The following TRIM55 variants were observed in gnomAD, a reference collection of about 807,000 sequenced individuals.
TRIM55 encodes tripartite motif-containing protein 55.
Under a neutral mutation model 60.9 loss-of-function variants are expected in TRIM55, and 50 were observed. That is an observed-to-expected ratio of 0.82 (90% confidence interval 0.65 to 1.04). The LOEUF is 1.04. Among genes scored for constraint, TRIM55 ranks in the 50% least tolerant of loss-of-function variants. TRIM55 has a pLI of 0.00. For missense variants in TRIM55, 681 were observed against 666.9 expected (o/e 1.02, Z -0.23); for synonymous variants, 237 against 238.1 (o/e 1.00, Z 0.04).
At chr8:66,136,982 GGGGTTGCAT>G in intron 3 of TRIM55, 104 bp from the exon 4 acceptor site, 1 of 773,362 alleles carries the variant, frequency 1.3e-6, no homozygotes. Flanking sequence ...TTAGTCCTTA[GGGGTTGCAT>G]GGATCCTAAA....
chr8:66,156,873 G>A (rs1810773275), intron 9 of TRIM55, among the ~76,000 whole-genome samples: 2 of 152,296 alleles, frequency 1.3e-5, no homozygotes. Context: ...ACCCTAGAGT[G>A]TCCTGAGTGT....
chr8:66,170,395 T>C (rs551725436), intron 9 of TRIM55, among the ~76,000 whole-genome samples: 4 of 152,316 alleles, frequency 2.6e-5, no homozygotes, highest in African/African-American at 9.6e-5. Flanking sequence ...TTCATCCACA[T>C]TGTAGCATGT....
chr8:66,133,356 T>C (rs1809281165), intron 2 of TRIM55, among the ~76,000 whole-genome samples: 1 of 151,830 alleles, frequency 6.6e-6, no homozygotes, highest in Non-Finnish European at 1.5e-5. Context: ...ATGGAGCCAC[T>C]GCCTCTGTGC....
Position 66,154,347 on chromosome 8 carries a change from G to A in TRIM55, c.1524+13G>A. ...AGCTACTTCTCAGGTTAGTGATGAT[G>A]CACTTGTGTCTATGCTTTCCCGCGC... On this transcript the variant is annotated intron_variant, in intron 9 of 9. Transcript: ENST00000315962. The A allele has an allele frequency of 6.2e-7, 1 of 1,612,214 alleles. No homozygotes were observed. The highest frequency in any genetic ancestry group is 2.2e-5 in the East Asian group (1 of 44,832).
intron 4 of TRIM55, among the ~76,000 whole-genome samples, chr8:66,145,346 A>G (rs1429934032): frequency 1.3e-5 from 2 of 152,254 alleles, no homozygotes; most frequent in African/African-American, 2.4e-5. Context: ...TTGCCGTTTC[A>G]GAAACAGATT....
At chr8:66,144,677 T>C (rs1348201687) in intron 4 of TRIM55, among the ~76,000 whole-genome samples, 1 of 152,180 alleles carries the variant, frequency 6.6e-6, no homozygotes, top group East Asian at 1.9e-4. Flanking sequence ...TGAATTACTG[T>C]CCAGAGAAGA....
chr8:66,154,258 A>G lies in TRIM55; in HGVS notation c.1448A>G (p.Glu483Gly), dbSNP rs1337480288. The G allele has an allele frequency of 1.2e-6, 2 of 1,613,518 alleles. No individual in the cohort carries two copies. The highest frequency in any genetic ancestry group is 2.7e-5 in the African/African-American group (2 of 75,032). ...GSEDSNVRKA[E>G]VAAAAASERA... Reference sequence around the variant, plus strand: ...GAGGATTCGAATGTACGGAAGGCAGAAGTGGCAGCAGCCGCAGCGAGTGAG... The same window carrying G: ...GAGGATTCGAATGTACGGAAGGCAGGAGTGGCAGCAGCCGCAGCGAGTGAG... The change falls in exon 9 of 10, where the codon GAA becomes GGA. Residue 483 changes from glutamate (E) to glycine (G), a missense_variant. By Grantham distance (98) the Glu-to-Gly change is moderately conservative. Coordinates refer to ENST00000315962, the MANE Select transcript of TRIM55 (RefSeq NM_184085.2).
At chr8:66,165,828 T>C (rs539792748) in intron 9 of TRIM55, among the ~76,000 whole-genome samples, 84 of 152,042 alleles carry the variant, frequency 5.5e-4, no homozygotes, top group Non-Finnish European at 1.1e-3. Flanking sequence ...CATTCTTACC[T>C]AGGAAAAAAA....
chr8:66,141,752 T>G (rs1176409496), intron 4 of TRIM55, among the ~76,000 whole-genome samples: 3 of 152,336 alleles, frequency 2.0e-5, no homozygotes, highest in South Asian at 4.1e-4. Context: ...TATTTGATAT[T>G]GAGCATTTCC....
intron 4 of TRIM55, among the ~76,000 whole-genome samples, chr8:66,143,001 T>C (rs932481604): frequency 2.0e-5 from 3 of 150,598 alleles, no homozygotes; most frequent in Non-Finnish European, 4.4e-5. Flanking sequence ...TCTTTTCTTT[T>C]TTGGAGGGTT....
chr8:66,138,546 T>A (rs1427947227), intron 4 of TRIM55, among the ~76,000 whole-genome samples: 1 of 152,116 alleles, frequency 6.6e-6, no homozygotes, highest in African/African-American at 2.4e-5. Flanking sequence ...CCCGCCACCA[T>A]GCCCAGCTAA....
Position 66,155,546 on chromosome 8 carries a change from GA to G in TRIM55, c.1524+1216del, listed in dbSNP as rs908246773. The stretch of plus-strand genomic sequence containing the variant: ...CACGTAGTAGGGCTCAAGCCAAAAT[GA>G]AAAGTCCATTGAAATAATGTTGAAA... On this transcript the variant is annotated intron_variant, in intron 9 of 9. Coordinates refer to ENST00000315962, the MANE Select transcript of TRIM55 (RefSeq NM_184085.2). 67 of 1,185,806 alleles carry G rather than the reference GA, an allele frequency of 5.7e-5. No homozygotes were observed. The African/African-American group carries it at 9.8e-4, about 17-fold the overall frequency. The allele number at this position is 1,185,806 out of a possible 1,614,324, so 73.5% of individuals were successfully genotyped here. A position where few individuals can be genotyped will look rare whatever the true frequency, so the allele number is the denominator to read the frequency against.
At chr8:66,119,550 TG>T in the TRIM55 span, among the ~76,000 whole-genome samples, 3 of 152,356 alleles carry the variant, frequency 2.0e-5, no homozygotes, top group Middle Eastern at 3.4e-3. Flanking sequence ...CAGGATTCTT[TG>T]GGATTTTCTA....
the TRIM55 span, chr8:66,113,419 G>T: frequency 1.6e-5 from 7 of 436,594 alleles, no homozygotes; most frequent in Non-Finnish European, 2.8e-5. Context: ...TCCTCAGCAG[G>T]AGACATCCTT....
Position 66,150,343 on chromosome 8 carries a change from A to G in TRIM55, c.862A>G (p.Ile288Val), listed in dbSNP as rs775344243. The change falls in exon 7 of 10, where the codon ATC becomes GTC. Residue 288 changes from isoleucine (I) to valine (V), a missense_variant and splice_region_variant. Physicochemically the swap from Ile to Val is conservative, Grantham distance 29 (BLOSUM62 3). Coordinates refer to ENST00000315962, the MANE Select transcript of TRIM55 (RefSeq NM_184085.2). Reference sequence around the variant, plus strand: ...AGTGGCAACTTGTCTTTGTTGCAGAATCTCGGAAGCATCAAAGGCATTTCA... The same window carrying G: ...AGTGGCAACTTGTCTTTGTTGCAGAGTCTCGGAAGCATCAAAGGCATTTCA... ...LQNAKTLLKK[I>V]SEASKAFQME... 1.2e-6 allele frequency: 2 copies of G among 1,614,238 alleles called. No individual in the cohort carries two copies. The highest frequency in any genetic ancestry group is 2.2e-5 in the South Asian group (2 of 91,090).
At chr8:66,152,259 C>G in intron 7 of TRIM55, 118 bp from the exon 8 acceptor site, 1 of 1,364,548 alleles carries the variant, frequency 7.3e-7, no homozygotes, top group Non-Finnish European at 9.7e-7. Flanking sequence ...TGTCAAGTGT[C>G]TGTCAGAGAA....
At chr8:66,123,077 C>G (rs898361729), upstream of TRIM55, among the ~76,000 whole-genome samples, 1 of 152,218 alleles carries the variant, frequency 6.6e-6, no homozygotes, top group African/African-American at 2.4e-5. Flanking sequence ...CCGGAAGCTT[C>G]TTCTGCACAA....
upstream of TRIM55, among the ~76,000 whole-genome samples, chr8:66,122,769 A>G (rs1476140296): frequency 6.6e-6 from 1 of 152,212 alleles, no homozygotes; most frequent in African/African-American, 2.4e-5. Context: ...GCTGATCAGT[A>G]TTAACACTAA....
chr8:66,146,833 C>T (rs1336729778), intron 4 of TRIM55, among the ~76,000 whole-genome samples: 1 of 152,188 alleles, frequency 6.6e-6, no homozygotes, highest in East Asian at 1.9e-4. Context: ...ATTTGTCAAG[C>T]CAGGCAATTT....
Sources: gnomAD v4.1 joint callset for allele counts (sites outside exome capture counted in the v4.1 genomes callset) on GRCh38, gnomAD v4.1.1 for gene constraint, MANE v1.5 for transcripts, NCBI Gene and HGNC (gene_info 2026-07-23, HGNC 2026-07-21) for gene names.